Variants in CCDC60 observed in about 807,000 individuals in gnomAD.
The protein encoded by CCDC60 is coiled-coil domain containing 60.
CCDC60 carries 54 observed loss-of-function variants against 63.5 expected under a neutral mutation model. The observed-to-expected ratio is 0.85, with a 90% CI of 0.68 to 1.07. The LOEUF is 1.07. Ranked by LOEUF, CCDC60 falls within the 50% of genes least tolerant of loss-of-function variation. The pLI, the probability that CCDC60 is intolerant of heterozygous loss-of-function variation, is 0.00. For missense variants in CCDC60, 651 were observed against 684.3 expected, an observed-to-expected ratio of 0.95 and a Z score of 0.54; for synonymous variants, 206 against 238.8, an observed-to-expected ratio of 0.86 and a Z score of 1.27.
At chr12:119,391,022 G>T (rs1051845251) in intron 1 of CCDC60, among the ~76,000 whole-genome samples, 3 of 152,190 alleles carry the variant, frequency 2.0e-5, no homozygotes, top group Non-Finnish European at 4.4e-5. Context: ...CTCATTTTAG[G>T]TTAGGTCTTA....
chr12:119,433,678 C>T, intron 2 of CCDC60: 1 of 682,856 alleles, frequency 1.5e-6, no homozygotes, highest in Non-Finnish European at 2.7e-6. Flanking sequence ...ACTTTGTTTC[C>T]CCTCCTGTTG....
chr12:119,397,150 G>A (rs186642067), intron 1 of CCDC60, among the ~76,000 whole-genome samples: 1 of 152,310 alleles, frequency 6.6e-6, no homozygotes, highest in Admixed American at 6.5e-5. Flanking sequence ...GAGTGAAGCT[G>A]CAGACCTTCA....
chr12:119,356,620 A>G (rs977653800), intron 1 of CCDC60, among the ~76,000 whole-genome samples: 1 of 152,188 alleles, frequency 6.6e-6, no homozygotes, highest in African/African-American at 2.4e-5. Flanking sequence ...CAAAGTTTCC[A>G]TCCAGTTTTC....
At position 119,525,315 on chromosome 12, in the gene CCDC60, C is replaced by G. The variant is rs529761061; in HGVS notation, c.1229+1497C>G. On this transcript the variant is annotated intron_variant, in intron 11 of 13. Transcript: ENST00000327554. The stretch of plus-strand genomic sequence containing the variant: ...AAATACAGACAACTCCTGCAAGATT[C>G]TATACAAGAAGATCATCCCCAAGAC... Among the ~76,000 whole-genome samples, 110 of 152,288 alleles carry G rather than the reference C, an allele frequency of 7.2e-4. 3 individuals are homozygous for G. In the South Asian group the frequency reaches 0.012, roughly 17 times the overall value.
At chr12:119,393,776 G>A (rs764384756) in intron 1 of CCDC60, among the ~76,000 whole-genome samples, 10 of 152,182 alleles carry the variant, frequency 6.6e-5, no homozygotes, top group Admixed American at 1.3e-4. Flanking sequence ...TCCTGCTTTT[G>A]TGTGACGTTT....
At chr12:119,477,183 A>C (rs1951192538) in intron 3 of CCDC60, among the ~76,000 whole-genome samples, 1 of 152,180 alleles carries the variant, frequency 6.6e-6, no homozygotes, top group African/African-American at 2.4e-5. Flanking sequence ...CTGAATGCTG[A>C]GTGAGCATCC....
chr12:119,455,993 GAGAGAA>G (rs1191580178), intron 2 of CCDC60, among the ~76,000 whole-genome samples: 7 of 41,434 alleles, frequency 1.7e-4, no homozygotes, highest in African/African-American at 9.1e-4. Context: ...GAGAAAGAGA[GAGAGAA>G]AGAGAAAGAA....
In CCDC60 at chr12:119,523,783, C is replaced by T. The variant is rs776962263; in HGVS notation, c.1194C>T (p.Gly398=). 47 of 1,614,178 alleles carry T rather than the reference C, an allele frequency of 2.9e-5. 1 individual carries two copies. In the Middle Eastern group the frequency reaches 1.7e-3, roughly 57 times the overall value. The change falls in exon 11 of 14, where the codon GGC becomes GGT. Residue 398 remains glycine, a synonymous_variant. Transcript: ENST00000327554. ...AKFYSVAQEA[G]FCLQDKMEIL... The stretch of plus-strand genomic sequence containing the variant: ...TTTACAGCGTAGCCCAGGAGGCTGG[C>T]TTCTGCCTGCAGGACAAGATGGAAA...
rs757882962 is a variant in CCDC60, at chr12:119,335,222, T to TCG, written c.47_48dup (p.Gly17ArgfsTer13). On this transcript the variant is annotated frameshift_variant, in exon 1 of 14. Coordinates refer to ENST00000327554, the MANE Select transcript of CCDC60 (RefSeq NM_178499.5). LOFTEE classifies it high-confidence loss of function. Reference sequence around the variant, plus strand: ...CAAGAAGCTTCAGAGTTCCCCCAACTCGGGGGCTGTCCGGCCCTTTTATGC... The same window carrying TCG: ...CAAGAAGCTTCAGAGTTCCCCCAACTCGCGGGGGCTGTCCGGCCCTTTTATGC... The TCG allele has an allele frequency of 6.2e-6, 10 of 1,606,532 alleles. No homozygotes were observed. The highest frequency in any genetic ancestry group is 6.8e-6 in the Non-Finnish European group (8 of 1,176,962).
At chr12:119,511,026 C>G (rs1034472221) in intron 7 of CCDC60, among the ~76,000 whole-genome samples, 1 of 152,192 alleles carries the variant, frequency 6.6e-6, no homozygotes, top group African/African-American at 2.4e-5. Context: ...GAGCTCCCCA[C>G]AAGTGTGCAA....
rs1417054068 is a variant in CCDC60, at chr12:119,534,717, T to A, written c.1551+3654T>A. Among the ~76,000 whole-genome samples the A allele has an allele frequency of 2.6e-5, 4 of 152,306 alleles. No individual in the cohort carries two copies. The East Asian group carries it at 7.7e-4, about 29-fold the overall frequency. ...GGTTCTGTTTATGTGATGGATTACG[T>A]TTATTGATTTGCATATGTTGAACCA... is the stretch of plus-strand genomic sequence containing the variant. On this transcript the variant is annotated intron_variant, in intron 13 of 13. Coordinates refer to ENST00000327554, the MANE Select transcript of CCDC60 (RefSeq NM_178499.5).
intron 6 of CCDC60, among the ~76,000 whole-genome samples, chr12:119,501,454 G>A (rs933194135): frequency 6.6e-6 from 1 of 152,098 alleles, no homozygotes; most frequent in Non-Finnish European, 1.5e-5. Context: ...AGTTAATTCT[G>A]GGTCTGTTTA....
intron 8 of CCDC60, among the ~76,000 whole-genome samples, chr12:119,517,903 T>C (rs1166740857): frequency 6.6e-6 from 1 of 152,154 alleles, no homozygotes; most frequent in Non-Finnish European, 1.5e-5. Context: ...GAGCCAGAGC[T>C]CCCTTCCCAG....
At chr12:119,390,011 T>C (rs1011132982) in intron 1 of CCDC60, among the ~76,000 whole-genome samples, 1 of 152,206 alleles carries the variant, frequency 6.6e-6, no homozygotes, top group African/African-American at 2.4e-5. Flanking sequence ...GTCTGTTTAG[T>C]CTGTAATGAT....
At chr12:119,363,680 T>C (rs957252345) in intron 1 of CCDC60, among the ~76,000 whole-genome samples, 5 of 152,224 alleles carry the variant, frequency 3.3e-5, no homozygotes, top group African/African-American at 1.2e-4. Flanking sequence ...GGGTACTTGT[T>C]TCCATCTGGG....
intron 2 of CCDC60, among the ~76,000 whole-genome samples, chr12:119,460,375 A>C (rs1950834168): frequency 6.6e-6 from 1 of 152,190 alleles, no homozygotes; most frequent in Admixed American, 6.5e-5. Context: ...ACATTTTATC[A>C]TCTCTGAACT....
At chr12:119,411,291 A>C (rs531539558) in intron 1 of CCDC60, among the ~76,000 whole-genome samples, 1 of 152,134 alleles carries the variant, frequency 6.6e-6, no homozygotes, top group Admixed American at 6.5e-5. Flanking sequence ...GACCAGAAAC[A>C]TGTCACATAG....
intron 7 of CCDC60, among the ~76,000 whole-genome samples, chr12:119,507,604 A>ATTTTTTTTTTTTTTT (rs1566050749): frequency 4.0e-5 from 1 of 25,192 alleles, no homozygotes; most frequent in African/African-American, 2.4e-4. Flanking sequence ...ATATATATAT[A>ATTTTTTTTTTTTTTT]TATATATATA....
intron 1 of CCDC60, among the ~76,000 whole-genome samples, chr12:119,385,728 G>A (rs914542526): frequency 3.3e-5 from 5 of 152,164 alleles, no homozygotes; most frequent in African/African-American, 1.2e-4. Flanking sequence ...TTGCTACATG[G>A]ACTTGGTTGT....
Sources: allele counts gnomAD v4.1 joint callset (sites outside exome capture counted in the v4.1 genomes callset), GRCh38; gene constraint gnomAD v4.1.1; transcripts MANE v1.5; gene names NCBI Gene and HGNC (gene_info 2026-07-23, HGNC 2026-07-21).